P4HA1: variants seen among roughly 807,000 people sequenced by gnomAD.
The protein encoded by P4HA1 is prolyl 4-hydroxylase subunit alpha 1.
A neutral mutation model predicts 72.8 loss-of-function variants in P4HA1; 24 were observed. The ratio of observed to expected loss-of-function variants is 0.33; its 90% CI spans 0.24 to 0.46. The LOEUF (loss-of-function observed/expected upper bound fraction) is 0.46. Among genes scored for constraint, P4HA1 ranks in the 20% least tolerant of loss-of-function variants. The probability of loss-of-function intolerance (pLI) is 1.00; values close to 1 mark genes in which losing one functional copy is unlikely to be tolerated. For missense variants in P4HA1, 446 were observed against 640.6 expected (o/e 0.70, Z 3.28); for synonymous variants, 201 against 218.8 (o/e 0.92, Z 0.72).
At chr10:73,032,822 A>G (rs1472218782) in intron 9 of P4HA1, among the ~76,000 whole-genome samples, 1 of 152,206 alleles carries the variant, frequency 6.6e-6, no homozygotes, top group Admixed American at 6.5e-5. Context: ...TTCTTTAACA[A>G]GAGAAAGACA....
intron 1 of P4HA1, among the ~76,000 whole-genome samples, chr10:73,094,686 T>G (rs1476731210): frequency 6.6e-6 from 1 of 152,214 alleles, no homozygotes; most frequent in East Asian, 1.9e-4. Flanking sequence ...TGAACTTAAT[T>G]GCCCTACTGA....
chr10:73,042,705 T>C (rs923439463), intron 9 of P4HA1, among the ~76,000 whole-genome samples: 1 of 152,044 alleles, frequency 6.6e-6, no homozygotes, highest in East Asian at 1.9e-4. Context: ...AACAGTTAAT[T>C]CTCAACAGGG....
chr10:73,031,306 A>G (rs1299001659), intron 9 of P4HA1, among the ~76,000 whole-genome samples: 1 of 152,212 alleles, frequency 6.6e-6, no homozygotes, highest in African/African-American at 2.4e-5. Context: ...CAATACAGTG[A>G]GACCCCAACT....
At chr10:73,072,390 T>A (rs1355053757) in intron 3 of P4HA1, among the ~76,000 whole-genome samples, 1 of 152,228 alleles carries the variant, frequency 6.6e-6, no homozygotes, top group East Asian at 1.9e-4. Context: ...TTTGTTTTAA[T>A]TTTGTTTCTC....
chr10:73,095,736 G>A (rs968681980), intron 1 of P4HA1, among the ~76,000 whole-genome samples: 1 of 152,164 alleles, frequency 6.6e-6, no homozygotes, highest in Non-Finnish European at 1.5e-5. Flanking sequence ...AGAGGATCTA[G>A]CTGCTTCTTC....
chr10:73,086,887 T>C (rs1159485898), intron 1 of P4HA1, among the ~76,000 whole-genome samples: 1 of 144,964 alleles, frequency 6.9e-6, no homozygotes, highest in South Asian at 2.1e-4. Context: ...TGAGCCGAGA[T>C]TGTGTCACTG....
At chr10:73,057,011 G>C (rs6480663) in intron 5 of P4HA1, among the ~76,000 whole-genome samples, 7,300 of 148,522 alleles carry the variant, frequency 0.049, 579 homozygotes, top group African/African-American at 0.17. Flanking sequence ...AGTGAGCCAA[G>C]ATCACGCCAC....
At chr10:73,089,491 ATATC>A (rs1315889294) in intron 1 of P4HA1, among the ~76,000 whole-genome samples, 1 of 152,176 alleles carries the variant, frequency 6.6e-6, no homozygotes, top group African/African-American at 2.4e-5. Flanking sequence ...AAAAGAAAGC[ATATC>A]TCTCTCCAAC....
At chr10:73,046,413 C>A (rs945646256) in intron 8 of P4HA1, among the ~76,000 whole-genome samples, 1 of 151,428 alleles carries the variant, frequency 6.6e-6, no homozygotes, top group Non-Finnish European at 1.5e-5. Context: ...ACGTTAGATT[C>A]TTTTTCTTTT....
intron 12 of P4HA1, among the ~76,000 whole-genome samples, chr10:73,011,459 T>G (rs1194876550): frequency 6.6e-6 from 1 of 152,182 alleles, no homozygotes; most frequent in Non-Finnish European, 1.5e-5. Flanking sequence ...AGAACAATAG[T>G]ACCTCAAGAA....
chr10:73,072,083 G>C lies in P4HA1; in HGVS notation c.271C>G (p.Leu91Val), dbSNP rs967417973. ...TCCAACTCACTCCACTCAGTATTCA[G>C]ACGTTTCATTAATTTGAATGCATTT... The part of the protein sequence containing the change: ...PVNAFKLMKR[L>V]NTEWSELENL... The change falls in exon 4 of 15, where the codon CTG (leucine) becomes GTG (valine). Residue 91 changes from leucine to valine, a missense_variant. Transcript: ENST00000394890. The C allele has an allele frequency of 6.2e-7, 1 of 1,612,878 alleles. No homozygotes were observed. Among genetic ancestry groups the C allele is most frequent in the Admixed American group, 1.7e-5 (1 of 60,000 alleles).
At chr10:73,020,145 A>G (rs1337414250) in intron 10 of P4HA1, among the ~76,000 whole-genome samples, 1 of 152,140 alleles carries the variant, frequency 6.6e-6, no homozygotes, top group Non-Finnish European at 1.5e-5. Flanking sequence ...TTCTAGAAAC[A>G]GCAAGATAGC....
chr10:73,079,870 A>AT (rs1278537113), intron 1 of P4HA1, among the ~76,000 whole-genome samples: 5 of 152,300 alleles, frequency 3.3e-5, no homozygotes, highest in African/African-American at 1.2e-4. Context: ...TCCTACACTT[A>AT]GATATAAGAC....
intron 1 of P4HA1, among the ~76,000 whole-genome samples, chr10:73,093,905 T>TAC (rs1303323203): frequency 2.4e-3 from 182 of 75,632 alleles, no homozygotes; most frequent in Non-Finnish European, 2.9e-3. Flanking sequence ...TATATATATA[T>TAC]ATACACACAC....
chr10:73,021,630 G>A (rs1261721352), intron 10 of P4HA1, among the ~76,000 whole-genome samples: 1 of 152,168 alleles, frequency 6.6e-6, no homozygotes, highest in Non-Finnish European at 1.5e-5. Context: ...TCATCTCATT[G>A]GGACTGGTTG....
At chr10:73,084,648 G>A (rs545855952) in intron 1 of P4HA1, among the ~76,000 whole-genome samples, 21 of 152,098 alleles carry the variant, frequency 1.4e-4, no homozygotes, top group African/African-American at 3.9e-4. Context: ...TATACTACTT[G>A]AAAAATGACC....
chr10:73,068,342 AAAAGT>A (rs1290364251), intron 5 of P4HA1, among the ~76,000 whole-genome samples: 81 of 152,316 alleles, frequency 5.3e-4, no homozygotes, highest in African/African-American at 1.9e-3. Context: ...GAGGGACGGC[AAAAGT>A]AAATTATCAT....
intron 1 of P4HA1, among the ~76,000 whole-genome samples, chr10:73,090,361 T>C (rs922704416): frequency 1.3e-5 from 2 of 151,868 alleles, no homozygotes; most frequent in East Asian, 1.9e-4. Flanking sequence ...CTGGAACTCC[T>C]GGGCTCAAGC....
At chr10:73,079,835 T>C (rs1373293042) in intron 1 of P4HA1, among the ~76,000 whole-genome samples, 3 of 152,184 alleles carry the variant, frequency 2.0e-5, no homozygotes, top group African/African-American at 7.2e-5. Flanking sequence ...GCTGCCAAAG[T>C]AGCACACTTT....
Sources: allele counts gnomAD v4.1 joint callset (sites outside exome capture counted in the v4.1 genomes callset), GRCh38; gene constraint gnomAD v4.1.1; transcripts MANE v1.5; gene names NCBI Gene and HGNC (gene_info 2026-07-23, HGNC 2026-07-21).